The following ZNF804A variants were observed in gnomAD, a reference collection of about 807,000 sequenced individuals.
ZNF804A encodes the protein zinc finger protein 804A.
ZNF804A carries 2 observed loss-of-function variants against 16.5 expected under a neutral mutation model. That is an observed-to-expected ratio of 0.12 (90% CI 0.05 to 0.38). The LOEUF (loss-of-function observed/expected upper bound fraction) is 0.38, where lower values mean the gene tolerates loss of function less well. Among genes scored for constraint, ZNF804A ranks in the 10% least tolerant of loss-of-function variants. ZNF804A has a pLI of 0.99. For synonymous variants in ZNF804A, 534 were observed against 489.6 expected (o/e 1.09, Z -1.20); for missense variants, 1,473 against 1,390.7 (o/e 1.06, Z -0.94).
Position 184,937,705 on chromosome 2 carries a change from G to C in ZNF804A, c.2309G>C (p.Arg770Pro), listed in dbSNP as rs750195715. 1 of 1,613,886 alleles carries C rather than the reference G, an allele frequency of 6.2e-7. No individual in the cohort carries two copies. Among genetic ancestry groups the C allele is most frequent in the African/African-American group, 1.3e-5 (1 of 74,916 alleles). Residue 770 changes from arginine to proline, a missense_variant, in exon 4 of 4, where the codon CGA (arginine) becomes CCA (proline). Coordinates refer to ENST00000302277, the MANE Select transcript of ZNF804A (RefSeq NM_194250.2). ...SVMNESERFY[R>P]KRRQHSHSYS... is the part of the protein sequence containing the mutation. ...ATGAATGAATCAGAAAGATTCTATC[G>C]AAAACGTAGACAACATTCACATTCT... is the stretch of plus-strand genomic sequence containing the variant.
intron 1 of ZNF804A, among the ~76,000 whole-genome samples, chr2:184,759,917 C>T (rs1694017008): frequency 6.6e-6 from 1 of 152,130 alleles, no homozygotes; most frequent in Non-Finnish European, 1.5e-5. Flanking sequence ...CCTTTGCTGA[C>T]TCTCTTTTCG....
At chr2:184,608,167 G>C (rs1469720062) in intron 1 of ZNF804A, among the ~76,000 whole-genome samples, 2 of 151,502 alleles carry the variant, frequency 1.3e-5, no homozygotes, top group Non-Finnish European at 2.9e-5. Context: ...GGATGGTCTC[G>C]ATCTCCTGAC....
intron 1 of ZNF804A, among the ~76,000 whole-genome samples, chr2:184,720,649 G>T (rs1268455519): frequency 1.3e-5 from 2 of 152,116 alleles, no homozygotes; most frequent in Non-Finnish European, 2.9e-5. Flanking sequence ...TCATGGATCA[G>T]AAGAAATAAA....
In ZNF804A at chr2:184,661,259, A is replaced by G. The variant is rs1692171482; in HGVS notation, c.111+62189A>G. On this transcript the variant is annotated intron_variant, in intron 1 of 3. Transcript: ENST00000302277. ...CCCACAGCTCAGCATGCCAGCCAGG[A>G]GTGTCACAGCTCTTTTTCTGCTATA... Among the ~76,000 whole-genome samples the G allele has an allele frequency of 2.6e-5, 4 of 152,154 alleles. No individual in the cohort carries two copies. In the South Asian group the frequency reaches 8.3e-4, roughly 32 times the overall value.
intron 1 of ZNF804A, among the ~76,000 whole-genome samples, chr2:184,858,961 A>G (rs1012884847): frequency 1.7e-4 from 26 of 152,094 alleles, no homozygotes; most frequent in African/African-American, 6.3e-4. Context: ...TTTTCCTTCA[A>G]CACCTAAGTA....
chr2:184,701,895 T>G (rs1214345559), intron 1 of ZNF804A, among the ~76,000 whole-genome samples: 2 of 151,962 alleles, frequency 1.3e-5, no homozygotes, highest in Non-Finnish European at 2.9e-5. Context: ...TAAGACTCTC[T>G]GAGTGCATAA....
chr2:184,843,260 A>C (rs1302567722), intron 1 of ZNF804A, among the ~76,000 whole-genome samples: 1 of 151,822 alleles, frequency 6.6e-6, no homozygotes, highest in Non-Finnish European at 1.5e-5. Context: ...ATTAAATTAC[A>C]TTTTATTTAT....
intron 1 of ZNF804A, among the ~76,000 whole-genome samples, chr2:184,670,924 C>T (rs1356680505): frequency 2.6e-5 from 4 of 152,246 alleles, no homozygotes; most frequent in Middle Eastern, 3.4e-3. Context: ...GACTTGCTTT[C>T]ATCTTACCCA....
At position 184,873,402 on chromosome 2, in the gene ZNF804A, C is replaced by A. The variant is rs574203200; in HGVS notation, c.255+6890C>A. Among the ~76,000 whole-genome samples the A allele has an allele frequency of 2.0e-5, 3 of 152,164 alleles. No homozygotes were observed. The South Asian group carries it at 6.2e-4, about 32-fold the overall frequency. Reference sequence around the variant, plus strand: ...ATGCAGGAAGCTGAGGTGGAAGGATCGCTTGAGCCTGGGAGATCGAGGCAG... The same window carrying A: ...ATGCAGGAAGCTGAGGTGGAAGGATAGCTTGAGCCTGGGAGATCGAGGCAG... On this transcript the variant is annotated intron_variant, in intron 2 of 3. Transcript: ENST00000302277.
At chr2:184,840,030 G>A (rs1485685330) in intron 1 of ZNF804A, among the ~76,000 whole-genome samples, 1 of 152,122 alleles carries the variant, frequency 6.6e-6, no homozygotes, top group Non-Finnish European at 1.5e-5. Flanking sequence ...TATTGGAATA[G>A]ACTCTTTAGA....
chr2:184,631,182 C>A (rs1207170497), intron 1 of ZNF804A, among the ~76,000 whole-genome samples: 3 of 152,032 alleles, frequency 2.0e-5, no homozygotes, highest in Non-Finnish European at 4.4e-5. Context: ...TTCTAGGTTT[C>A]TTTGAATTAA....
At chr2:184,852,756 G>T (rs1007621260) in intron 1 of ZNF804A, among the ~76,000 whole-genome samples, 19 of 151,710 alleles carry the variant, frequency 1.3e-4, no homozygotes, top group Non-Finnish European at 2.7e-4. Flanking sequence ...TGCATTGACT[G>T]TAAATGTGTA....
intron 2 of ZNF804A, among the ~76,000 whole-genome samples, chr2:184,917,012 T>C (rs1344419168): frequency 6.6e-6 from 1 of 152,218 alleles, no homozygotes; most frequent in Non-Finnish European, 1.5e-5. Context: ...CACCATATTA[T>C]GGAGGGTAAT....
chr2:184,803,162 T>G (rs1694751371), intron 1 of ZNF804A, among the ~76,000 whole-genome samples: 1 of 152,210 alleles, frequency 6.6e-6, no homozygotes, highest in Non-Finnish European at 1.5e-5. Context: ...TATTGTTTCT[T>G]GAGCATATCA....
At chr2:184,788,501 TAC>T (rs1016126817) in intron 1 of ZNF804A, among the ~76,000 whole-genome samples, 3 of 152,098 alleles carry the variant, frequency 2.0e-5, no homozygotes, top group African/African-American at 4.8e-5. Context: ...TGGTGTTGTC[TAC>T]AGTTTCTTTC....
intron 1 of ZNF804A, among the ~76,000 whole-genome samples, chr2:184,808,032 A>T (rs1369099413): frequency 6.6e-6 from 1 of 151,596 alleles, no homozygotes; most frequent in Non-Finnish European, 1.5e-5. Context: ...GAATTGCAGA[A>T]TTAGCAACAA....
chr2:184,894,264 T>C (rs1011544911), intron 2 of ZNF804A, among the ~76,000 whole-genome samples: 1 of 152,142 alleles, frequency 6.6e-6, no homozygotes, highest in Non-Finnish European at 1.5e-5. Flanking sequence ...CACATGCCAT[T>C]AAGAAAAATC....
intron 1 of ZNF804A, among the ~76,000 whole-genome samples, chr2:184,651,647 T>G (rs1409605628): frequency 6.6e-6 from 1 of 152,030 alleles, no homozygotes; most frequent in Admixed American, 6.6e-5. Context: ...GAACAGACAC[T>G]ACTCAAAAGA....
At chr2:184,639,907 C>A (rs1367974303) in intron 1 of ZNF804A, among the ~76,000 whole-genome samples, 1 of 152,056 alleles carries the variant, frequency 6.6e-6, no homozygotes, top group Non-Finnish European at 1.5e-5. Context: ...GAGACTGAGG[C>A]AGGAGAATGG....
Sources: allele counts gnomAD v4.1 joint callset (sites outside exome capture counted in the v4.1 genomes callset), GRCh38; gene constraint gnomAD v4.1.1; transcripts MANE v1.5; gene names NCBI Gene and HGNC (gene_info 2026-07-23, HGNC 2026-07-21).